The following RSRC1 variants were observed in gnomAD, a reference collection of about 807,000 sequenced individuals.
The protein encoded by RSRC1 is serine/Arginine-related protein 53.
In RSRC1, 39 loss-of-function variants were observed where a neutral mutation model predicts 49.1. The ratio of observed to expected loss-of-function variants is 0.79; its 90% confidence interval spans 0.61 to 1.04. The LOEUF (loss-of-function observed/expected upper bound fraction) is 1.04, where lower values mean the gene tolerates loss of function less well. Ranked by LOEUF, RSRC1 falls within the 50% of genes least tolerant of loss-of-function variation. The probability of loss-of-function intolerance (pLI) is 0.00; values close to 1 mark genes in which losing one functional copy is unlikely to be tolerated. For missense variants in RSRC1, 388 were observed against 402.4 expected (o/e 0.96, Z 0.31); for synonymous variants, 143 against 130.8 (o/e 1.09, Z -0.63).
intron 4 of RSRC1, among the ~76,000 whole-genome samples, chr3:158,274,055 C>G (rs988339042): frequency 6.6e-6 from 1 of 151,868 alleles, no homozygotes; most frequent in African/African-American, 2.4e-5. Flanking sequence ...TCAGTGTTGC[C>G]CATTTGGAAA....
chr3:158,311,613 C>G (rs1486383338), intron 5 of RSRC1, among the ~76,000 whole-genome samples: 1 of 151,790 alleles, frequency 6.6e-6, no homozygotes, highest in Non-Finnish European at 1.5e-5. Context: ...TTCAGTTACC[C>G]AGGATGAACA....
chr3:158,485,763 G>A (rs1351694552), intron 7 of RSRC1, among the ~76,000 whole-genome samples: 1 of 151,960 alleles, frequency 6.6e-6, no homozygotes, highest in Non-Finnish European at 1.5e-5. Context: ...TTCCAATACA[G>A]GTTGACTTCA....
chr3:158,514,559 G>T lies in RSRC1; in HGVS notation c.653-22533G>T, dbSNP rs537539709. Reference sequence around the variant, plus strand: ...CACGTATGTGGTCAATTTTGGAATAGGTGTGGTGTGGTGCTGAAAAAAATG... The same window carrying T: ...CACGTATGTGGTCAATTTTGGAATATGTGTGGTGTGGTGCTGAAAAAAATG... On this transcript the variant is annotated intron_variant, in intron 7 of 9. Coordinates refer to ENST00000611884, the MANE Select transcript of RSRC1 (RefSeq NM_001271838.2). 5.9e-5 allele frequency among the ~76,000 whole-genome samples: 9 copies of T among 152,204 alleles called. 1 individual carries two copies. The highest frequency in any genetic ancestry group is 1.9e-4 in the African/African-American group (8 of 41,530).
intron 4 of RSRC1, among the ~76,000 whole-genome samples, chr3:158,284,647 T>A (rs966341045): frequency 2.7e-5 from 4 of 149,884 alleles, no homozygotes; most frequent in African/African-American, 9.9e-5. Context: ...TGGCCAGTGA[T>A]GGTGAGCATT....
chr3:158,515,281 T>G (rs1740449622), intron 7 of RSRC1, among the ~76,000 whole-genome samples: 1 of 151,582 alleles, frequency 6.6e-6, no homozygotes, highest in Non-Finnish European at 1.5e-5. Context: ...GGAGCTCTTT[T>G]AGGGCAGGCC....
At chr3:158,164,765 G>A (rs1314486625) in intron 3 of RSRC1, among the ~76,000 whole-genome samples, 1 of 152,052 alleles carries the variant, frequency 6.6e-6, no homozygotes, top group African/African-American at 2.4e-5. Flanking sequence ...TGTTTTAATA[G>A]CATATTTTAT....
intron 4 of RSRC1, among the ~76,000 whole-genome samples, chr3:158,237,102 A>G (rs1578228407): frequency 6.6e-6 from 1 of 152,200 alleles, no homozygotes; most frequent in Admixed American, 6.5e-5. Flanking sequence ...TCTTTCAGTT[A>G]TGTATGACAA....
intron 4 of RSRC1, among the ~76,000 whole-genome samples, chr3:158,223,811 C>T (rs1722359830): frequency 6.6e-6 from 1 of 151,686 alleles, no homozygotes; most frequent in African/African-American, 2.4e-5. Context: ...CTGTTCTTTC[C>T]ATTCTCTAGA....
intron 3 of RSRC1, among the ~76,000 whole-genome samples, chr3:158,145,482 T>C (rs1029539000): frequency 5.3e-5 from 8 of 152,224 alleles, no homozygotes; most frequent in African/African-American, 1.9e-4. Context: ...TTCTGTTCCA[T>C]TGGGCTATAT....
At chr3:158,236,652 C>G (rs999429499) in intron 4 of RSRC1, among the ~76,000 whole-genome samples, 1 of 152,058 alleles carries the variant, frequency 6.6e-6, no homozygotes, top group African/African-American at 2.4e-5. Context: ...GTAGTTTATT[C>G]CTTTTATTGA....
chr3:158,498,232 CTTT>C (rs56014045), intron 7 of RSRC1, among the ~76,000 whole-genome samples: 1 of 142,752 alleles, frequency 7.0e-6, no homozygotes. Flanking sequence ...ATGCCAACAT[CTTT>C]TTTTTTTTTT....
chr3:158,175,175 A>C (rs1719127940), intron 3 of RSRC1, among the ~76,000 whole-genome samples: 1 of 151,930 alleles, frequency 6.6e-6, no homozygotes, highest in Admixed American at 6.6e-5. Context: ...TGGTTACTTA[A>C]TGATTTGTGG....
chr3:158,292,501 C>T (rs542317183), intron 4 of RSRC1, among the ~76,000 whole-genome samples: 19 of 152,228 alleles, frequency 1.2e-4, no homozygotes, highest in African/African-American at 3.9e-4. Flanking sequence ...TCCCATTTTC[C>T]ACTTCAGGAC....
chr3:158,345,286 T>C (rs1209155382), intron 5 of RSRC1, among the ~76,000 whole-genome samples: 1 of 151,998 alleles, frequency 6.6e-6, no homozygotes. Context: ...TGTGGTAGAT[T>C]AATAATTACG....
chr3:158,373,998 G>A (rs1732219936), intron 6 of RSRC1, among the ~76,000 whole-genome samples: 1 of 152,044 alleles, frequency 6.6e-6, no homozygotes, highest in Admixed American at 6.6e-5. Flanking sequence ...TGTTCTGAGA[G>A]TAATAATGGG....
chr3:158,285,824 C>T (rs971766260), intron 4 of RSRC1, among the ~76,000 whole-genome samples: 8 of 152,146 alleles, frequency 5.3e-5, no homozygotes, highest in Non-Finnish European at 1.0e-4. Context: ...GATATACAAT[C>T]ATGTCATCTG....
chr3:158,160,985 A>G (rs574159665), intron 3 of RSRC1, among the ~76,000 whole-genome samples: 3 of 151,996 alleles, frequency 2.0e-5, no homozygotes, highest in South Asian at 4.1e-4. Context: ...TCTGCTTTCA[A>G]ACAGTTGTTC....
At chr3:158,372,974 GTTTAAGTT>G (rs1732163324) in intron 6 of RSRC1, among the ~76,000 whole-genome samples, 1 of 151,604 alleles carries the variant, frequency 6.6e-6, no homozygotes, top group Admixed American at 6.6e-5. Context: ...GTAAGTTTTT[GTTTAAGTT>G]TTTATTTCCA....
chr3:158,300,566 TATTG>T (rs1369931861), intron 5 of RSRC1, among the ~76,000 whole-genome samples: 1 of 152,210 alleles, frequency 6.6e-6, no homozygotes, highest in Non-Finnish European at 1.5e-5. Context: ...CTGCTGAGCA[TATTG>T]TTTAGAGCCT....
Sources: gnomAD v4.1 joint callset for allele counts (sites outside exome capture counted in the v4.1 genomes callset) on GRCh38, gnomAD v4.1.1 for gene constraint, MANE v1.5 for transcripts, NCBI Gene and HGNC (gene_info 2026-07-23, HGNC 2026-07-21) for gene names.